ZAP70: variants seen among roughly 807,000 people sequenced by gnomAD.
ZAP70 encodes the protein zeta chain of T cell receptor associated protein kinase 70, also known as tyrosine-protein kinase ZAP-70.
A neutral mutation model predicts 65.8 loss-of-function variants in ZAP70; 27 were observed. The observed-to-expected ratio is 0.41, with a 90% CI of 0.30 to 0.57. ZAP70 has a LOEUF of 0.57. Ranked by LOEUF, ZAP70 falls within the 20% of genes least tolerant of loss-of-function variation. The pLI is 0.28. For missense variants in ZAP70, 696 were observed against 870.5 expected, an observed-to-expected ratio of 0.80 and a Z score of 2.52; for synonymous variants, 363 against 360.8, an observed-to-expected ratio of 1.01 and a Z score of -0.07.
At chr2:97,747,380 C>T in the ZAP70 span, among the ~76,000 whole-genome samples, 3 of 152,188 alleles carry the variant, frequency 2.0e-5, no homozygotes, top group Non-Finnish European at 4.4e-5. Flanking sequence ...CTTATTCAGC[C>T]ATAAGAAGGA....
downstream of ZAP70, among the ~76,000 whole-genome samples, chr2:97,740,771 C>A (rs1037184200): frequency 6.6e-6 from 1 of 152,170 alleles, no homozygotes; most frequent in South Asian, 2.1e-4. Context: ...TCTCCTTTTC[C>A]GCTAGCAGCA....
At chr2:97,756,007 G>GTGTT in the ZAP70 span, among the ~76,000 whole-genome samples, 5 of 152,348 alleles carry the variant, frequency 3.3e-5, no homozygotes, top group East Asian at 1.9e-4. Context: ...ATATCCCAAA[G>GTGTT]TGTTAGCCAG....
At chr2:97,720,996 G>T (rs1458646920) in intron 2 of ZAP70, among the ~76,000 whole-genome samples, 2 of 152,180 alleles carry the variant, frequency 1.3e-5, no homozygotes, top group African/African-American at 2.4e-5. Context: ...TAACTAAGAA[G>T]GGCACTCAAA....
chr2:97,739,246 C>T (rs1678041155), intron 13 of ZAP70, 129 bp from the exon 14 acceptor site: 2 of 1,441,924 alleles, frequency 1.4e-6, no homozygotes, highest in Admixed American at 2.1e-5. Flanking sequence ...GTCCCGCCAC[C>T]CCAACAGCCC....
chr2:97,740,952 C>G (rs556822386), downstream of ZAP70, among the ~76,000 whole-genome samples: 1 of 152,304 alleles, frequency 6.6e-6, no homozygotes, highest in African/African-American at 2.4e-5. Context: ...ATGGAGGCTG[C>G]GAAGACCCTG....
chr2:97,732,640 C>T (rs960761334), intron 4 of ZAP70: 8 of 605,694 alleles, frequency 1.3e-5, no homozygotes, highest in African/African-American at 7.4e-5. Flanking sequence ...CATCTGTTGG[C>T]TCTTGGAGAA....
At position 97,737,754 on chromosome 2, in the gene ZAP70, C is replaced by G; in HGVS notation, c.1483-3C>G. ...TGATCCAGCAGCATCTCCCCCTCCC[C>G]AGGCCCGCTCAGCAGGGAAGTGGCC... On this transcript the variant is annotated splice_region_variant and splice_polypyrimidine_tract_variant and intron_variant, in intron 11 of 13. Transcript: ENST00000264972. This position sits in a 1 kb window ranked among gnomAD's most constrained non-coding sequence, Gnocchi z 5.0. The G allele has an allele frequency of 6.2e-7, 1 of 1,614,168 alleles. No individual in the cohort carries two copies. The highest frequency in any genetic ancestry group is 1.1e-5 in the South Asian group (1 of 91,088).
the ZAP70 span, among the ~76,000 whole-genome samples, chr2:97,752,343 T>G: frequency 3.3e-4 from 50 of 152,374 alleles, no homozygotes; most frequent in Admixed American, 2.3e-3. Flanking sequence ...CCAATTTATT[T>G]TTACAGCTAT....
rs1677683205 is a variant in ZAP70 at position 97,733,131 on chromosome 2, G to C, written c.709G>C (p.Glu237Gln). The stretch of plus-strand genomic sequence containing the variant: ...AGCTGCCTGCTCCCTGCAGCTGGTG[G>C]AGTATCTGAAGCTGAAGGCGGACGG... ...TKFDTLWQLV[E>Q]YLKLKADGLI... Residue 237 changes from glutamate to glutamine, a missense_variant, in exon 6 of 14, where the codon GAG becomes CAG. Physicochemically the swap from Glu to Gln is conservative, Grantham distance 29. Around this residue, in one of 3 missense-constraint regions of ZAP70, gnomAD observed 551 missense variants for 630.0 expected, o/e 0.87. Coordinates refer to ENST00000264972, the MANE Select transcript of ZAP70 (RefSeq NM_001079.4). 1 of 1,613,904 alleles carries C rather than the reference G, an allele frequency of 6.2e-7. No homozygotes were observed.
At chr2:97,719,587 G>T (rs911426513) in intron 2 of ZAP70, among the ~76,000 whole-genome samples, 11 of 151,924 alleles carry the variant, frequency 7.2e-5, no homozygotes, top group African/African-American at 2.4e-4. Context: ...TGGCTGAGAG[G>T]CTGGGAGTCA....
chr2:97,723,826 C>T (rs1677255857), intron 2 of ZAP70, among the ~76,000 whole-genome samples, 190 bp from the exon 3 acceptor site: 1 of 152,242 alleles, frequency 6.6e-6, no homozygotes, highest in African/African-American at 2.4e-5. Context: ...TTTGGGACTT[C>T]TCGATCTGTG....
At chr2:97,727,870 C>T (rs1169197626) in intron 4 of ZAP70, among the ~76,000 whole-genome samples, 4 of 152,132 alleles carry the variant, frequency 2.6e-5, no homozygotes, top group African/African-American at 7.2e-5. Context: ...CACACACATA[C>T]AGGTCATGAT....
rs201525133 is a variant in ZAP70 at position 97,724,182 on chromosome 2, C to T, written c.146C>T (p.Ser49Leu). Reference protein sequence around the residue: ...CLRSLGGYVLSLVHDVRFHHF... With the variant: ...CLRSLGGYVLLLVHDVRFHHF... ...CGCTCGCTGGGCGGCTATGTGCTGT[C>T]GCTCGTGCACGATGTGCGCTTCCAC... The change falls in exon 3 of 14, where the codon TCG becomes TTG. Residue 49 changes from serine (S) to leucine (L), a missense_variant. Ser to Leu is a moderately radical substitution (Grantham distance 145, BLOSUM62 -2). This residue lies in a region of ZAP70 where 551 missense variants were observed against 630.0 expected (regional missense o/e 0.87). Coordinates refer to ENST00000264972, the MANE Select transcript of ZAP70 (RefSeq NM_001079.4). 4 of 1,593,590 alleles carry T rather than the reference C, an allele frequency of 2.5e-6. No individual in the cohort carries two copies. Among genetic ancestry groups the T allele is most frequent in the Non-Finnish European group, 2.6e-6 (3 of 1,171,414 alleles).
At chr2:97,749,219 C>A in the ZAP70 span, among the ~76,000 whole-genome samples, 2 of 152,044 alleles carry the variant, frequency 1.3e-5, no homozygotes, top group South Asian at 4.1e-4. Context: ...CCGTGTTAGC[C>A]AGGATGGTCT....
intron 2 of ZAP70, among the ~76,000 whole-genome samples, chr2:97,719,236 G>T (rs1677065571): frequency 6.6e-6 from 1 of 151,724 alleles, no homozygotes; most frequent in African/African-American, 2.4e-5. Context: ...GATCAAAGGA[G>T]ATGATGCCAG....
chr2:97,733,685 G>A (rs968853486), intron 8 of ZAP70, 90 bp downstream of exon 8: 11 of 1,539,620 alleles, frequency 7.1e-6, no homozygotes, highest in East Asian at 2.2e-5. Context: ...CACGGGGGGC[G>A]CTGTGGGCCG....
chr2:97,742,460 C>T (rs559586081), downstream of ZAP70, among the ~76,000 whole-genome samples: 1 of 152,262 alleles, frequency 6.6e-6, no homozygotes, highest in African/African-American at 2.4e-5. Context: ...TCTCAGGCCC[C>T]ATCCTCTGCT....
chr2:97,749,313 C>G, the ZAP70 span, among the ~76,000 whole-genome samples: 1 of 152,320 alleles, frequency 6.6e-6, no homozygotes, highest in East Asian at 1.9e-4. Context: ...CCGGCTGACA[C>G]TTCCTATTTT....
chr2:97,734,331 A>C (rs1677749326), intron 8 of ZAP70, 189 bp from the exon 9 acceptor site: 1 of 1,422,696 alleles, frequency 7.0e-7, no homozygotes, highest in Non-Finnish European at 9.2e-7. Flanking sequence ...TGGGGCACCC[A>C]CAGCTGTGGC....
Sources: allele counts gnomAD v4.1 joint callset (sites outside exome capture counted in the v4.1 genomes callset), GRCh38; gene constraint gnomAD v4.1.1; regional missense constraint gnomAD v4.1.1; non-coding constraint Gnocchi (gnomAD v3.1); transcripts MANE v1.5; gene names NCBI Gene and HGNC (gene_info 2026-07-23, HGNC 2026-07-21).